Variants in DCAF10 observed in about 807,000 individuals in gnomAD.
DCAF10 encodes the protein DDB1- and CUL4-associated factor 10.
A neutral mutation model predicts 51.9 loss-of-function variants in DCAF10; 19 were observed. The ratio of observed to expected loss-of-function variants is 0.37; its 90% CI spans 0.26 to 0.54. DCAF10 has a LOEUF of 0.54. Ranked by LOEUF, DCAF10 falls within the 20% of genes least tolerant of loss-of-function variation. The pLI, the probability that DCAF10 is intolerant of heterozygous loss-of-function variation, is 0.87. For missense variants in DCAF10, 510 were observed against 730.6 expected (o/e 0.70, Z 3.48); for synonymous variants, 291 against 297.1 (o/e 0.98, Z 0.21).
Position 37,811,407 on chromosome 9 carries a change from G to A in DCAF10, c.540-7881G>A, listed in dbSNP as rs148882338. ...CCCTATAATTTTTGTATACAGTGAC[G>A]AGCACTAGTACAAAGAGATTCGTTG... On this transcript the variant is annotated intron_variant, in intron 1 of 6. Coordinates refer to ENST00000377724, the MANE Select transcript of DCAF10 (RefSeq NM_024345.5). Among the ~76,000 whole-genome samples the A allele has an allele frequency of 4.4e-3, 664 of 152,116 alleles. 5 individuals carry two copies. The highest frequency in any genetic ancestry group is 0.016 in the African/African-American group (649 of 41,486).
chr9:37,846,445 CTT>C lies in DCAF10; in HGVS notation c.851+4160_851+4161del, dbSNP rs200719342. 1.3e-4 allele frequency among the ~76,000 whole-genome samples: 20 copies of C among 152,226 alleles called. No individual in the cohort carries two copies. In the East Asian group the frequency reaches 3.7e-3, roughly 28 times the overall value. ...AGGAGTCACAAATTACTGAAATTGA[CTT>C]AAGATAAATAGAAAATCTATTGACT... On this transcript the variant is annotated intron_variant, in intron 3 of 6. Coordinates refer to ENST00000377724, the MANE Select transcript of DCAF10 (RefSeq NM_024345.5).
intron 1 of DCAF10, among the ~76,000 whole-genome samples, chr9:37,812,060 G>T (rs1301657744): frequency 6.6e-6 from 1 of 152,016 alleles, no homozygotes; most frequent in Non-Finnish European, 1.5e-5. Flanking sequence ...TGCGCCTGTG[G>T]TCCCAGCTAC....
intron 1 of DCAF10, among the ~76,000 whole-genome samples, chr9:37,809,685 T>C (rs376413179): frequency 2.0e-5 from 3 of 148,998 alleles, no homozygotes; most frequent in African/African-American, 7.4e-5. Context: ...ATAAAAAAAT[T>C]AGCCAGGCAT....
intron 3 of DCAF10, among the ~76,000 whole-genome samples, chr9:37,842,679 G>A (rs573246296): frequency 6.6e-6 from 1 of 152,096 alleles, no homozygotes; most frequent in South Asian, 2.1e-4. Flanking sequence ...TTCTCATTTG[G>A]AATGGTACTG....
intron 2 of DCAF10, among the ~76,000 whole-genome samples, chr9:37,823,706 A>G (rs1829771574): frequency 6.6e-6 from 1 of 152,130 alleles, no homozygotes; most frequent in Non-Finnish European, 1.5e-5. Context: ...TAGTAGTCAC[A>G]CTAAAAAAGA....
chr9:37,825,809 A>G (rs891424509), intron 2 of DCAF10, among the ~76,000 whole-genome samples: 1 of 152,178 alleles, frequency 6.6e-6, no homozygotes, highest in Non-Finnish European at 1.5e-5. Context: ...ACCTGAAGTC[A>G]GGAGTTTGAG....
intron 2 of DCAF10, among the ~76,000 whole-genome samples, chr9:37,833,137 C>T (rs761819558): frequency 4.1e-4 from 63 of 152,218 alleles, no homozygotes; most frequent in Admixed American, 5.9e-4. Context: ...GGACTACAGG[C>T]GTGAGCTGAA....
At chr9:37,809,915 C>T (rs1339185090) in intron 1 of DCAF10, among the ~76,000 whole-genome samples, 2 of 151,996 alleles carry the variant, frequency 1.3e-5, no homozygotes, top group Non-Finnish European at 2.9e-5. Flanking sequence ...TTTTGGGAGG[C>T]CAAGGCGGCT....
intron 2 of DCAF10, chr9:37,836,103 A>T: frequency 8.1e-7 from 1 of 1,233,934 alleles, no homozygotes. Context: ...AGAACTTGGT[A>T]TCTCTATTAA....
chr9:37,812,718 T>G (rs1829387608), intron 1 of DCAF10, among the ~76,000 whole-genome samples: 2 of 152,318 alleles, frequency 1.3e-5, no homozygotes, highest in South Asian at 4.1e-4. Flanking sequence ...ACTGCAGCCT[T>G]GACTTCCTGG....
chr9:37,818,383 CT>C (rs373501756), intron 1 of DCAF10, among the ~76,000 whole-genome samples: 91 of 152,198 alleles, frequency 6.0e-4, no homozygotes, highest in African/African-American at 2.1e-3. Flanking sequence ...TTTATTCTAT[CT>C]TATGTACGTT....
At chr9:37,828,573 A>G (rs1443417184) in intron 2 of DCAF10, among the ~76,000 whole-genome samples, 1 of 152,270 alleles carries the variant, frequency 6.6e-6, no homozygotes, top group Non-Finnish European at 1.5e-5. Context: ...ACATACCAAC[A>G]GACTTTTTCA....
intron 3 of DCAF10, among the ~76,000 whole-genome samples, chr9:37,844,306 C>T (rs751628659): frequency 6.6e-5 from 10 of 151,294 alleles, no homozygotes; most frequent in Non-Finnish European, 1.2e-4. Context: ...AGATCACTTG[C>T]GGTCAGGAGA....
At chr9:37,818,675 A>G (rs1415601377) in intron 1 of DCAF10, among the ~76,000 whole-genome samples, 1 of 152,232 alleles carries the variant, frequency 6.6e-6, no homozygotes, top group Non-Finnish European at 1.5e-5. Context: ...GATATTTTCC[A>G]GTACATTTTA....
Position 37,842,071 on chromosome 9 carries a change from G to A in DCAF10, c.654-18G>A. The stretch of plus-strand genomic sequence containing the variant: ...AAGAGATTAAATGAACCAGGGTTTT[G>A]TTTTTCTGCTTTTATAGATTTCTTG... On this transcript the variant is annotated intron_variant, in intron 2 of 6. Transcript: ENST00000377724. 6.3e-7 allele frequency: 1 copy of A among 1,598,206 alleles called. No individual in the cohort carries two copies. The highest frequency in any genetic ancestry group is 1.1e-5 in the South Asian group (1 of 87,802).
At chr9:37,844,782 G>A (rs1470685451) in intron 3 of DCAF10, among the ~76,000 whole-genome samples, 1 of 152,088 alleles carries the variant, frequency 6.6e-6, no homozygotes, top group Non-Finnish European at 1.5e-5. Context: ...GTGGCAGTGG[G>A]CCAGCCTGGG....
intron 2 of DCAF10, among the ~76,000 whole-genome samples, chr9:37,838,359 C>G (rs1589101682): frequency 6.6e-6 from 1 of 152,076 alleles, no homozygotes; most frequent in South Asian, 2.1e-4. Context: ...AAAATGGACA[C>G]TCTCCTAACT....
At position 37,842,229 on chromosome 9, in the gene DCAF10, C is replaced by T; in HGVS notation, c.794C>T (p.Thr265Ile). ...AAGAACATCGAATATGATACTAATACAAGACTCTTAGTAACATCAGGATTT... is the reference window on the plus strand; with the variant it reads ...AAGAACATCGAATATGATACTAATATAAGACTCTTAGTAACATCAGGATTT... ...WVKNIEYDTN[T>I]RLLVTSGFDG... is the part of the protein sequence containing the mutation. The change falls in exon 3 of 7, where the codon ACA becomes ATA. Residue 265 changes from threonine to isoleucine, a missense_variant. Around this residue, in one of 4 missense-constraint regions of DCAF10, gnomAD observed 126 missense variants for 271.5 expected, o/e 0.46. Coordinates refer to ENST00000377724, the MANE Select transcript of DCAF10 (RefSeq NM_024345.5). 3 of 1,613,882 alleles carry T rather than the reference C, an allele frequency of 1.9e-6. No individual in the cohort carries two copies. Among genetic ancestry groups the T allele is most frequent in the Non-Finnish European group, 2.5e-6 (3 of 1,179,904 alleles).
intron 2 of DCAF10, among the ~76,000 whole-genome samples, chr9:37,820,501 G>A (rs1440481855): frequency 6.6e-6 from 1 of 152,188 alleles, no homozygotes; most frequent in East Asian, 1.9e-4. Context: ...GCTGAAAAGA[G>A]AAAAGAGCTA....
Sources: gnomAD v4.1 joint callset for allele counts (sites outside exome capture counted in the v4.1 genomes callset) on GRCh38, gnomAD v4.1.1 for gene constraint, gnomAD v4.1.1 regional missense constraint, MANE v1.5 for transcripts, NCBI Gene and HGNC (gene_info 2026-07-23, HGNC 2026-07-21) for gene names.